Variants in C8orf34 observed in about 807,000 individuals in gnomAD.
C8orf34 encodes the protein uncharacterized protein C8orf34.
C8orf34 carries 65 observed loss-of-function variants against 68.3 expected under a neutral mutation model. The observed-to-expected ratio is 0.95, with a 90% confidence interval of 0.78 to 1.17. The LOEUF is 1.17. Ranked by LOEUF, C8orf34 falls within the 50% of genes most tolerant of loss-of-function variation. The pLI is 0.00. For synonymous variants in C8orf34, 244 were observed against 241.2 expected, an observed-to-expected ratio of 1.01 and a Z score of -0.11; for missense variants, 664 against 655.4, an observed-to-expected ratio of 1.01 and a Z score of -0.14.
intron 11 of C8orf34, 128 bp downstream of exon 11, chr8:68,776,577 C>A (rs1823526311): frequency 6.1e-6 from 4 of 651,596 alleles, no homozygotes; most frequent in Non-Finnish European, 1.0e-5. Flanking sequence ...GTCATGTCCA[C>A]AAAAACAGGA....
At chr8:68,438,150 C>G (rs2129625598) in intron 1 of C8orf34, 1 of 152,166 alleles carries the variant, frequency 6.6e-6, no homozygotes, top group Non-Finnish European at 1.5e-5. Context: ...GGTATTGATT[C>G]AGCACCAGCT....
intron 8 of C8orf34, among the ~76,000 whole-genome samples, chr8:68,667,132 A>G (rs768466001): frequency 6.6e-6 from 1 of 152,056 alleles, no homozygotes; most frequent in Admixed American, 6.6e-5. Flanking sequence ...ATTAAAGGAC[A>G]CTCCCTATTT....
intron 7 of C8orf34, among the ~76,000 whole-genome samples, chr8:68,630,401 A>G (rs1245838341): frequency 2.0e-5 from 3 of 152,146 alleles, no homozygotes; most frequent in Non-Finnish European, 1.5e-5. Context: ...CTCTTGCAGC[A>G]TAACTCAGTT....
intron 7 of C8orf34, among the ~76,000 whole-genome samples, chr8:68,606,719 T>A (rs1383953894): frequency 6.6e-6 from 1 of 151,366 alleles, no homozygotes; most frequent in Non-Finnish European, 1.5e-5. Context: ...GATCACTGGA[T>A]TTTTTTTTGT....
At chr8:68,341,809 C>A (rs1806082145) in intron 1 of C8orf34, among the ~76,000 whole-genome samples, 1 of 152,174 alleles carries the variant, frequency 6.6e-6, no homozygotes, top group African/African-American at 2.4e-5. Flanking sequence ...CTTGTATAGC[C>A]TGCAGAACTA....
chr8:68,649,629 T>C lies in C8orf34; in HGVS notation c.1241+9118T>C, dbSNP rs16934834. On this transcript the variant is annotated intron_variant, in intron 8 of 13. Coordinates refer to ENST00000518698, the MANE Select transcript of C8orf34 (RefSeq NM_052958.4). ...TGGGGCCACATCAATTTCATGGTTT[T>C]TCTTTTGCTTGTAAATCAATGCAAA... is the stretch of plus-strand genomic sequence containing the variant. Among the ~76,000 whole-genome samples, 366 of 152,354 alleles carry C rather than the reference T, an allele frequency of 2.4e-3. 2 individuals carry two copies. Among genetic ancestry groups the C allele is most frequent in the African/African-American group, 8.5e-3 (352 of 41,592 alleles).
At chr8:68,516,593 C>A (rs1017589894) in intron 5 of C8orf34, among the ~76,000 whole-genome samples, 2 of 150,154 alleles carry the variant, frequency 1.3e-5, no homozygotes, top group Non-Finnish European at 2.9e-5. Context: ...AATTGGTAAG[C>A]TTTGAGAGAA....
intron 1 of C8orf34, among the ~76,000 whole-genome samples, chr8:68,412,009 C>T (rs1030666638): frequency 1.3e-4 from 20 of 152,182 alleles, no homozygotes; most frequent in African/African-American, 4.8e-4. Flanking sequence ...CCTGAAGTAG[C>T]TTTAACCCCT....
chr8:68,492,325 G>A (rs1267637354), intron 5 of C8orf34, among the ~76,000 whole-genome samples: 1 of 152,068 alleles, frequency 6.6e-6, no homozygotes, highest in Non-Finnish European at 1.5e-5. Flanking sequence ...GATCTCCTGG[G>A]CTCAAATGAC....
At chr8:68,474,075 C>T (rs1812495112) in intron 4 of C8orf34, among the ~76,000 whole-genome samples, 1 of 152,104 alleles carries the variant, frequency 6.6e-6, no homozygotes, top group African/African-American at 2.4e-5. Context: ...CTTTCAAGTG[C>T]TCTCTCCATT....
At chr8:68,661,161 C>T (rs1819665305) in intron 8 of C8orf34, among the ~76,000 whole-genome samples, 1 of 152,198 alleles carries the variant, frequency 6.6e-6, no homozygotes, top group Non-Finnish European at 1.5e-5. Context: ...AGTGTGCATT[C>T]CCACCCAGCG....
At chr8:68,404,924 G>A (rs1451888923) in intron 1 of C8orf34, among the ~76,000 whole-genome samples, 1 of 152,004 alleles carries the variant, frequency 6.6e-6, no homozygotes, top group African/African-American at 2.4e-5. Flanking sequence ...GTAACTTGAT[G>A]GGGATAGCAT....
chr8:68,474,407 A>G lies in C8orf34; in HGVS notation c.736+5587A>G, dbSNP rs542227550. The stretch of plus-strand genomic sequence containing the variant: ...ATCTTGCTAATTTTTCCTCTAAGAT[A>G]TGTTTTGAGTCTAGTTTATATCTTC... On this transcript the variant is annotated intron_variant, in intron 4 of 13. Coordinates refer to ENST00000518698, the MANE Select transcript of C8orf34 (RefSeq NM_052958.4). Among the ~76,000 whole-genome samples the G allele has an allele frequency of 4.6e-5, 7 of 152,212 alleles. No individual in the cohort carries two copies. In the South Asian group the frequency reaches 1.5e-3, roughly 32 times the overall value.
chr8:68,445,080 G>T (rs1007422157), intron 2 of C8orf34, among the ~76,000 whole-genome samples: 1 of 152,142 alleles, frequency 6.6e-6, no homozygotes, highest in Non-Finnish European at 1.5e-5. Flanking sequence ...TACTTCCTGG[G>T]TTCTAGCAGA....
At chr8:68,408,821 C>T (rs1809317471) in intron 1 of C8orf34, among the ~76,000 whole-genome samples, 1 of 151,744 alleles carries the variant, frequency 6.6e-6, no homozygotes, top group African/African-American at 2.4e-5. Context: ...CGGAGTCTTG[C>T]TCTGTCACCC....
At chr8:68,377,986 T>C (rs976409889) in intron 1 of C8orf34, among the ~76,000 whole-genome samples, 2 of 152,072 alleles carry the variant, frequency 1.3e-5, no homozygotes. Flanking sequence ...ACTTACTCAC[T>C]ATGACAAGAG....
At chr8:68,789,642 C>T (rs1351830307) in intron 12 of C8orf34, among the ~76,000 whole-genome samples, 1 of 151,976 alleles carries the variant, frequency 6.6e-6, no homozygotes, top group Non-Finnish European at 1.5e-5. Context: ...GGGTCCATTC[C>T]CTTTTTCATC....
chr8:68,466,738 C>CATATATATATATATATATATATAT lies in C8orf34; in HGVS notation c.608-1950_608-1927dup, dbSNP rs35661495. Among the ~76,000 whole-genome samples the CATATATATATATATATATATATAT allele has an allele frequency of 1.3e-3, 160 of 120,494 alleles. 1 individual carries two copies. Among genetic ancestry groups the CATATATATATATATATATATATAT allele is most frequent in the African/African-American group, 3.6e-3 (97 of 27,154 alleles). The allele number at this position is 120,494 out of a possible 152,430, so 79.0% of individuals were successfully genotyped here. A position where few individuals can be genotyped will look rare whatever the true frequency, so the allele number is the denominator to read the frequency against. ...TTCTGTGAAAATAAACAACGTTGTA[C>CATATATATATATATATATATATAT]ATATATATATATATATATATATATA... On this transcript the variant is annotated intron_variant, in intron 3 of 13. Transcript: ENST00000518698.
At chr8:68,550,290 A>AAT (rs1165397718) in intron 7 of C8orf34, among the ~76,000 whole-genome samples, 2 of 151,508 alleles carry the variant, frequency 1.3e-5, no homozygotes, top group African/African-American at 2.4e-5. Context: ...TGGAGTTTGG[A>AAT]ATATATATAT....
Sources: allele counts gnomAD v4.1 joint callset (sites outside exome capture counted in the v4.1 genomes callset), GRCh38; gene constraint gnomAD v4.1.1; transcripts MANE v1.5; gene names NCBI Gene and HGNC (gene_info 2026-07-23, HGNC 2026-07-21).